The following SLC8A3 variants were observed in gnomAD, a reference collection of about 807,000 sequenced individuals.
The protein encoded by SLC8A3 is solute carrier family 8 member A3.
A neutral mutation model predicts 65.4 loss-of-function variants in SLC8A3; 37 were observed. The observed-to-expected ratio is 0.57, with a 90% CI of 0.44 to 0.74. The LOEUF (loss-of-function observed/expected upper bound fraction) is 0.74. Among genes scored for constraint, SLC8A3 ranks in the 30% least tolerant of loss-of-function variants. SLC8A3 has a pLI of 0.00. For missense variants in SLC8A3, 1,112 were observed against 1,172.1 expected (o/e 0.95, Z 0.75); for synonymous variants, 461 against 444.5 (o/e 1.04, Z -0.47).
intron 2 of SLC8A3, among the ~76,000 whole-genome samples, chr14:70,071,410 G>A (rs1890001809): frequency 6.6e-6 from 1 of 152,174 alleles, no homozygotes; most frequent in Non-Finnish European, 1.5e-5. Flanking sequence ...GGGAAAGCCA[G>A]AAAGATACGA....
chr14:70,151,103 A>C (rs1167751517), intron 2 of SLC8A3, among the ~76,000 whole-genome samples: 1 of 151,746 alleles, frequency 6.6e-6, no homozygotes, highest in Non-Finnish European at 1.5e-5. Context: ...AAGTACAAAA[A>C]ATTGGCCAGG....
intron 2 of SLC8A3, among the ~76,000 whole-genome samples, chr14:70,088,321 C>G (rs1043483683): frequency 2.0e-5 from 3 of 152,308 alleles, no homozygotes; most frequent in African/African-American, 7.2e-5. Context: ...GGTAGGTTTT[C>G]TGGGGAAGCC....
At chr14:70,148,815 C>T (rs553754416) in intron 2 of SLC8A3, among the ~76,000 whole-genome samples, 5 of 152,300 alleles carry the variant, frequency 3.3e-5, no homozygotes, top group African/African-American at 1.2e-4. Context: ...GCAGCAGCAA[C>T]GTGTTCTATA....
intron 2 of SLC8A3, among the ~76,000 whole-genome samples, chr14:70,153,190 G>A (rs1449174692): frequency 2.6e-5 from 4 of 152,144 alleles, no homozygotes; most frequent in African/African-American, 9.7e-5. Context: ...AACCTGGTGT[G>A]GCACATAAGC....
intron 2 of SLC8A3, among the ~76,000 whole-genome samples, chr14:70,075,382 C>T (rs543053213): frequency 1.1e-4 from 17 of 152,220 alleles, no homozygotes; most frequent in South Asian, 4.2e-4. Context: ...TGCCATAGGC[C>T]GCGTATCCTT....
rs1177870515 is a variant in SLC8A3, at chr14:70,051,914, G to A, written c.2013+76C>T. 3.0e-6 allele frequency: 4 copies of A among 1,339,202 alleles called. No individual in the cohort carries two copies. In the African/African-American group the frequency reaches 5.8e-5, roughly 20 times the overall value. 83.0% of individuals were successfully genotyped at this position (1,339,202 alleles called of 1,614,324 possible). Reference sequence around the variant, plus strand: ...CTTCACATATTCACTAGTGAAAGTGGAAAAAAACACCCCAGGTCTTCTGCC... The same window carrying A: ...CTTCACATATTCACTAGTGAAAGTGAAAAAAAACACCCCAGGTCTTCTGCC... On this transcript the variant is annotated intron_variant, in intron 4 of 6. Coordinates refer to ENST00000356921, the MANE Select transcript of SLC8A3 (RefSeq NM_182932.3).
intron 2 of SLC8A3, among the ~76,000 whole-genome samples, chr14:70,143,109 G>A (rs1450334194): frequency 6.6e-6 from 1 of 152,156 alleles, no homozygotes; most frequent in Non-Finnish European, 1.5e-5. Flanking sequence ...TTGGAGACAG[G>A]CTTTTGCTTC....
chr14:70,132,917 G>A (rs1894943284), intron 2 of SLC8A3, among the ~76,000 whole-genome samples: 1 of 152,068 alleles, frequency 6.6e-6, no homozygotes, highest in African/African-American at 2.4e-5. Context: ...CCCTCTCTCT[G>A]CTGCCTGCCT....
chr14:70,087,771 G>A (rs547509297), intron 2 of SLC8A3, among the ~76,000 whole-genome samples: 2 of 152,208 alleles, frequency 1.3e-5, no homozygotes, highest in South Asian at 2.1e-4. Context: ...TGCACCATCC[G>A]TCATTTCTAT....
chr14:70,166,610 GA>G (rs778680765), intron 2 of SLC8A3, 28 bp downstream of exon 2: 17 of 1,273,524 alleles, frequency 1.3e-5, no homozygotes, highest in Non-Finnish European at 1.9e-5. Context: ...TGGGGTCAGG[GA>G]GGGGCAGAAT....
intron 2 of SLC8A3, among the ~76,000 whole-genome samples, chr14:70,138,046 C>T (rs1020045684): frequency 1.3e-5 from 2 of 152,160 alleles, no homozygotes; most frequent in Non-Finnish European, 2.9e-5. Flanking sequence ...GGCAGATGTT[C>T]CCTGAGATCT....
intron 5 of SLC8A3, among the ~76,000 whole-genome samples, chr14:70,049,757 C>G (rs950551011): frequency 9.2e-5 from 14 of 152,210 alleles, no homozygotes; most frequent in African/African-American, 3.4e-4. Context: ...TCTGACCTGA[C>G]TGCTGCAATA....
chr14:70,144,530 C>T (rs1374313219), intron 2 of SLC8A3, among the ~76,000 whole-genome samples: 3 of 150,458 alleles, frequency 2.0e-5, no homozygotes, highest in East Asian at 3.9e-4. Flanking sequence ...CTCAGGAGGC[C>T]GAGGCAGGAG....
chr14:70,090,684 A>C (rs1028768606), intron 2 of SLC8A3, among the ~76,000 whole-genome samples: 45 of 152,344 alleles, frequency 3.0e-4, no homozygotes, highest in Admixed American at 2.7e-3. Context: ...TTCCTGATTC[A>C]TATAGAAGTA....
intron 2 of SLC8A3, among the ~76,000 whole-genome samples, chr14:70,111,733 A>T (rs1394313751): frequency 3.3e-5 from 5 of 152,254 alleles, no homozygotes; most frequent in Non-Finnish European, 7.3e-5. Context: ...GGCTCAATTG[A>T]GAAAGTGCAT....
At chr14:70,115,219 T>A (rs945261851) in intron 2 of SLC8A3, among the ~76,000 whole-genome samples, 1 of 152,174 alleles carries the variant, frequency 6.6e-6, no homozygotes, top group Admixed American at 6.5e-5. Context: ...CGCAGCGCAC[T>A]TGGCACTCGA....
At chr14:70,093,993 A>G (rs1231174390) in intron 2 of SLC8A3, among the ~76,000 whole-genome samples, 1 of 152,234 alleles carries the variant, frequency 6.6e-6, no homozygotes, top group Non-Finnish European at 1.5e-5. Context: ...GTGGCTCTGC[A>G]TAAGACCCAA....
At chr14:70,109,651 A>G (rs1269754168) in intron 2 of SLC8A3, among the ~76,000 whole-genome samples, 2 of 151,888 alleles carry the variant, frequency 1.3e-5, no homozygotes, top group East Asian at 1.9e-4. Context: ...ATGGGGTTTC[A>G]CCATATTGGC....
chr14:70,091,065 A>C (rs1287628780), intron 2 of SLC8A3, among the ~76,000 whole-genome samples: 1 of 152,218 alleles, frequency 6.6e-6, no homozygotes, highest in African/African-American at 2.4e-5. Flanking sequence ...TAAACCTCAG[A>C]ATGTGAGGAA....
Sources: allele counts gnomAD v4.1 joint callset (sites outside exome capture counted in the v4.1 genomes callset), GRCh38; gene constraint gnomAD v4.1.1; transcripts MANE v1.5; gene names NCBI Gene and HGNC (gene_info 2026-07-23, HGNC 2026-07-21).